The following RBM47 variants were observed in gnomAD, a reference collection of about 807,000 sequenced individuals.
The protein encoded by RBM47 is RNA binding motif protein 47.
RBM47 carries 21 observed loss-of-function variants against 47.1 expected under a neutral mutation model. That is an observed-to-expected ratio of 0.45 (90% CI 0.32 to 0.64). The LOEUF is 0.64. RBM47 is among the 30% of genes least tolerant of loss of function. RBM47 has a pLI of 0.05. For synonymous variants in RBM47, 375 were observed against 361.7 expected (o/e 1.04, Z -0.42); for missense variants, 708 against 870.9 (o/e 0.81, Z 2.35).
intron 1 of RBM47, among the ~76,000 whole-genome samples, chr4:40,575,552 C>CAAAAAAAAAAAAAAA (rs33963787): frequency 1.0e-3 from 102 of 98,162 alleles, no homozygotes; most frequent in South Asian, 1.9e-3. Flanking sequence ...AACTCCATCT[C>CAAAAAAAAAAAAAAA]AAAAAAAAAA....
chr4:40,570,991 G>A (rs1731649945), intron 1 of RBM47, among the ~76,000 whole-genome samples: 1 of 152,024 alleles, frequency 6.6e-6, no homozygotes, highest in Non-Finnish European at 1.5e-5. Context: ...AAAGGCAGGT[G>A]GATCACCTGA....
At chr4:40,520,515 T>A (rs1020528719) in intron 2 of RBM47, among the ~76,000 whole-genome samples, 1 of 152,216 alleles carries the variant, frequency 6.6e-6, no homozygotes. Flanking sequence ...GAGGCTAGTA[T>A]ATATTTGGCC....
chr4:40,451,184 C>CAAAAAAAAAAAAAAA (rs958122281), intron 3 of RBM47, among the ~76,000 whole-genome samples: 3 of 51,474 alleles, frequency 5.8e-5, no homozygotes, highest in African/African-American at 1.8e-4. Flanking sequence ...CAGTAGCTAC[C>CAAAAAAAAAAAAAAA]AAAAAAAAAA....
chr4:40,489,046 A>G (rs1287529664), intron 2 of RBM47, among the ~76,000 whole-genome samples: 1 of 152,206 alleles, frequency 6.6e-6, no homozygotes, highest in Non-Finnish European at 1.5e-5. Context: ...ACAATGCTAT[A>G]TGGACTGCAC....
In RBM47 at chr4:40,572,891, C is replaced by T. The variant is rs185290062; in HGVS notation, c.-239-28385G>A. On this transcript the variant is annotated intron_variant, in intron 1 of 6. Coordinates refer to ENST00000295971, the MANE Select transcript of RBM47 (RefSeq NM_001098634.2). ...AGTGGGCCGGATGCGGTAACTCACA[C>T]CTGGAATCACAACACTTTGGGAGGC... Among the ~76,000 whole-genome samples the T allele has an allele frequency of 2.8e-4, 42 of 151,924 alleles. 1 individual carries two copies. The highest frequency in any genetic ancestry group is 4.9e-4 in the Non-Finnish European group (33 of 67,866).
chr4:40,582,457 C>G (rs1449788679), intron 1 of RBM47, among the ~76,000 whole-genome samples: 1 of 152,148 alleles, frequency 6.6e-6, no homozygotes, highest in Non-Finnish European at 1.5e-5. Flanking sequence ...TCGCTTCAAC[C>G]CAGGAGGTGG....
intron 6 of RBM47, among the ~76,000 whole-genome samples, chr4:40,429,661 C>T (rs1344784130): frequency 8.4e-6 from 1 of 118,438 alleles, no homozygotes; most frequent in Non-Finnish European, 1.6e-5. Context: ...TGCACTCCAG[C>T]TTGGGTGACA....
intron 2 of RBM47, among the ~76,000 whole-genome samples, chr4:40,508,960 A>C (rs1206563813): frequency 6.6e-6 from 1 of 152,174 alleles, no homozygotes; most frequent in Non-Finnish European, 1.5e-5. Flanking sequence ...CAGGAGTTCG[A>C]GACCAGCCTG....
intron 3 of RBM47, among the ~76,000 whole-genome samples, chr4:40,451,184 C>CAAAAAAAAAAAAAAAA (rs958122281): frequency 9.7e-5 from 5 of 51,474 alleles, no homozygotes; most frequent in African/African-American, 3.1e-4. Context: ...CAGTAGCTAC[C>CAAAAAAAAAAAAAAAA]AAAAAAAAAA....
intron 2 of RBM47, among the ~76,000 whole-genome samples, chr4:40,519,213 A>AAAAAAAT (rs1665423176): frequency 6.6e-6 from 1 of 151,832 alleles, no homozygotes; most frequent in Non-Finnish European, 1.5e-5. Context: ...CTTGTCCTTA[A>AAAAAAAT]AAAAAATAAA....
intron 2 of RBM47, among the ~76,000 whole-genome samples, chr4:40,528,404 T>TA (rs142606443): frequency 0.23 from 33,633 of 147,408 alleles, 4,372 homozygotes; most frequent in African/African-American, 0.37. Context: ...TGAGGCTTTT[T>TA]TAAAAAAAAA....
Position 40,498,054 on chromosome 4 carries a change from T to TTATATATATATATATATATA in RBM47, c.-154-31375_-154-31356dup, listed in dbSNP as rs6148409. 5.0e-3 allele frequency among the ~76,000 whole-genome samples: 546 copies of TTATATATATATATATATATA among 109,746 alleles called. 12 individuals carry two copies. The highest frequency in any genetic ancestry group is 9.6e-3 in the Middle Eastern group (2 of 208). The allele number at this position is 109,746 out of a possible 152,430, so 72.0% of individuals were successfully genotyped here. On this transcript the variant is annotated intron_variant, in intron 2 of 6. Coordinates refer to ENST00000295971, the MANE Select transcript of RBM47 (RefSeq NM_001098634.2). ...TGCAAATAAAATGTAAGTGCTTGTT[T>TTATATATATATATATATATA]TATATATATATATATATATATATAT...
In RBM47 at chr4:40,532,812, T is replaced by C. The variant is rs974824036; in HGVS notation, c.-155+11610A>G. Reference sequence around the variant, plus strand: ...GTGTATATTTAAAGTGAACATCACATATAAATAGAAGTAGTTGTCATAACA... The same window carrying C: ...GTGTATATTTAAAGTGAACATCACACATAAATAGAAGTAGTTGTCATAACA... On this transcript the variant is annotated intron_variant, in intron 2 of 6. Transcript: ENST00000295971. Among the ~76,000 whole-genome samples, 4 of 152,058 alleles carry C rather than the reference T, an allele frequency of 2.6e-5. No individual in the cohort carries two copies. The East Asian group carries it at 7.7e-4, about 29-fold the overall frequency.
intron 2 of RBM47, among the ~76,000 whole-genome samples, chr4:40,477,744 T>C (rs1719825532): frequency 6.6e-6 from 1 of 152,160 alleles, no homozygotes; most frequent in African/African-American, 2.4e-5. Flanking sequence ...ACTGAATACC[T>C]GAAAACAACA....
intron 2 of RBM47, among the ~76,000 whole-genome samples, chr4:40,508,867 T>C (rs572487621): frequency 6.6e-6 from 1 of 152,314 alleles, no homozygotes; most frequent in South Asian, 2.1e-4. Flanking sequence ...ATATTTAAAA[T>C]AATATGTTTT....
At chr4:40,566,761 A>G (rs1261170468) in intron 1 of RBM47, among the ~76,000 whole-genome samples, 3 of 151,990 alleles carry the variant, frequency 2.0e-5, no homozygotes, top group Non-Finnish European at 4.4e-5. Flanking sequence ...TACAAAGGGG[A>G]TAATCATAAC....
chr4:40,628,220 A>G lies in RBM47; in HGVS notation c.-240+1176T>C, dbSNP rs1211464758. On this transcript the variant is annotated intron_variant, in intron 1 of 6. Coordinates refer to ENST00000295971, the MANE Select transcript of RBM47 (RefSeq NM_001098634.2). This position sits in a 1 kb window ranked among gnomAD's most constrained non-coding sequence, Gnocchi z 4.0. ...GAAGGGTAAAGCAGACCAGAAAAAAATATTAAAAACCAAACCATCTCCTCC... is the reference window on the plus strand; with the variant it reads ...GAAGGGTAAAGCAGACCAGAAAAAAGTATTAAAAACCAAACCATCTCCTCC... Among the ~76,000 whole-genome samples the G allele has an allele frequency of 1.3e-5, 2 of 152,220 alleles. No homozygotes were observed. Among genetic ancestry groups the G allele is most frequent in the Admixed American group, 1.3e-4 (2 of 15,270 alleles).
At chr4:40,450,111 A>G (rs551503012) in intron 3 of RBM47, among the ~76,000 whole-genome samples, 4 of 152,310 alleles carry the variant, frequency 2.6e-5, no homozygotes, top group East Asian at 1.9e-4. Context: ...TTTCCAATCC[A>G]TGAACAAACA....
intron 2 of RBM47, among the ~76,000 whole-genome samples, chr4:40,494,947 C>T (rs1421155632): frequency 6.6e-6 from 1 of 151,902 alleles, no homozygotes; most frequent in African/African-American, 2.4e-5. Flanking sequence ...ATTCATTTGT[C>T]GATTGATTCC....
Sources: gnomAD v4.1 joint callset for allele counts (sites outside exome capture counted in the v4.1 genomes callset) on GRCh38, gnomAD v4.1.1 for gene constraint, Gnocchi (gnomAD v3.1) non-coding constraint, MANE v1.5 for transcripts, NCBI Gene and HGNC (gene_info 2026-07-23, HGNC 2026-07-21) for gene names.